LPCAT4: variants seen among roughly 807,000 people sequenced by gnomAD.
LPCAT4 encodes lysophospholipid acyltransferase LPCAT4.
In LPCAT4, 30 loss-of-function variants were observed where a neutral mutation model predicts 66.5. The observed-to-expected ratio is 0.45, with a 90% CI of 0.34 to 0.61. The LOEUF (loss-of-function observed/expected upper bound fraction) is 0.61, where lower values mean the gene tolerates loss of function less well. Ranked by LOEUF, LPCAT4 falls within the 20% of genes least tolerant of loss-of-function variation. The pLI is 0.01. For synonymous variants in LPCAT4, 253 were observed against 262.1 expected (o/e 0.97, Z 0.34); for missense variants, 557 against 656.7 (o/e 0.85, Z 1.66).
chr15:34,364,453 C>T lies in LPCAT4; in HGVS notation c.479-147G>A, dbSNP rs549104321. 638 of 583,796 alleles carry T rather than the reference C, an allele frequency of 1.1e-3. 4 individuals carry two copies. The African/African-American group carries it at 0.011, about 10-fold the overall frequency. 36.2% of individuals were successfully genotyped at this position (583,796 alleles called of 1,614,324 possible). ...GTTGTTGTTGTTTGAGACAGAGTTT[C>T]GCTTTTGTTGCCCAGGCTGGAGTGC... On this transcript the variant is annotated intron_variant, in intron 3 of 13. Coordinates refer to ENST00000314891, the MANE Select transcript of LPCAT4 (RefSeq NM_153613.3).
At chr15:34,359,814 G>A in intron 12 of LPCAT4, 69 bp from the exon 13 acceptor site, 1 of 1,474,492 alleles carries the variant, frequency 6.8e-7, no homozygotes, top group Non-Finnish European at 9.1e-7. Context: ...CCCACAGACT[G>A]GCCTGACAGG....
At chr15:34,361,657 G>C in intron 10 of LPCAT4, 125 bp from the exon 11 acceptor site, 7 of 1,130,826 alleles carry the variant, frequency 6.2e-6, no homozygotes, top group Non-Finnish European at 8.8e-6. Flanking sequence ...TTTCTAAGAT[G>C]TACTGACTCA....
chr15:34,360,389 T>TAC (rs1890915199), intron 11 of LPCAT4, among the ~76,000 whole-genome samples, 180 bp from the exon 12 acceptor site: 1 of 152,224 alleles, frequency 6.6e-6, no homozygotes, highest in African/African-American at 2.4e-5. Flanking sequence ...TCATAGGCTT[T>TAC]CTCAAGCTAT....
chr15:34,365,989 A>G, intron 1 of LPCAT4: 1 of 355,608 alleles, frequency 2.8e-6, no homozygotes, highest in East Asian at 5.0e-5. Flanking sequence ...CACTTAGAGG[A>G]TTTAATAAGA....
chr15:34,365,511 A>C, intron 2 of LPCAT4, 48 bp downstream of exon 2: 1 of 1,611,462 alleles, frequency 6.2e-7, no homozygotes. Context: ...AGCCGAATAG[A>C]CAGCAGGGAA....
In LPCAT4 at chr15:34,362,874, A is replaced by C. The variant is rs1279312411; in HGVS notation, c.747-38T>G. On this transcript the variant is annotated intron_variant, in intron 7 of 13. Transcript: ENST00000314891. ...AGATTTCGATACTCACCAATCTCTA[A>C]CTATGGGCTCCTTCCCTGGCTCCCA... 3.1e-6 allele frequency: 5 copies of C among 1,605,992 alleles called. No homozygotes were observed. In the South Asian group the frequency reaches 5.5e-5, roughly 18 times the overall value.
At position 34,364,044 on chromosome 15, in the gene LPCAT4, G is replaced by C. The variant is rs1891011238; in HGVS notation, c.621C>G (p.Ser207=). The C allele has an allele frequency of 6.2e-7, 1 of 1,613,052 alleles. No homozygotes were observed. The highest frequency in any genetic ancestry group is 1.7e-5 in the Admixed American group (1 of 59,990). The change falls in exon 5 of 14, where the codon TCC becomes TCG. Residue 207 remains serine, a synonymous_variant. Coordinates refer to ENST00000314891, the MANE Select transcript of LPCAT4 (RefSeq NM_153613.3). Reference sequence around the variant, plus strand: ...TGAACTTAAGCAAAGCCTTCTTGTTGGAACAGGTGCCCTCAGGAAAGAATA... The same window carrying C: ...TGAACTTAAGCAAAGCCTTCTTGTTCGAACAGGTGCCCTCAGGAAAGAATA... The part of the protein sequence containing the change: ...QVLFFPEGTC[S]NKKALLKFKP...
At position 34,367,004 on chromosome 15, in the gene LPCAT4, G is replaced by A; in HGVS notation, c.97C>T (p.Arg33Cys). ...NPFVHELHLS[R>C]LQRVKFCLLG... ...CACATTACCTTAACCCTCTGGAGGC[G>A]AGAGAGATGTAACTCATGCACGAAG... The change falls in exon 1 of 14, where the codon CGC becomes TGC. Residue 33 changes from arginine (R) to cysteine (C), a missense_variant. Around this residue, in one of 4 missense-constraint regions of LPCAT4, gnomAD observed 94 missense variants for 71.5 expected, o/e 1.32. Coordinates refer to ENST00000314891, the MANE Select transcript of LPCAT4 (RefSeq NM_153613.3). The A allele has an allele frequency of 3.2e-6, 5 of 1,552,576 alleles. No homozygotes were observed. The highest frequency in any genetic ancestry group is 4.4e-6 in the Non-Finnish European group (5 of 1,145,452).
In LPCAT4 at chr15:34,363,616, G is replaced by A; in HGVS notation, c.711+45C>T. ...GTTTTCACTTATTTCCATTTGGGGT[G>A]GATTTGTGCTCCCCCTTTCCACTCT... is the stretch of plus-strand genomic sequence containing the variant. On this transcript the variant is annotated intron_variant, in intron 6 of 13. Coordinates refer to ENST00000314891, the MANE Select transcript of LPCAT4 (RefSeq NM_153613.3). This position sits in a 1 kb window ranked among gnomAD's most constrained non-coding sequence, Gnocchi z 4.3. 1 of 1,609,612 alleles carries A rather than the reference G, an allele frequency of 6.2e-7. No individual in the cohort carries two copies. The highest frequency in any genetic ancestry group is 8.5e-7 in the Non-Finnish European group (1 of 1,175,918).
chr15:34,361,129 G>A (rs1344816740), intron 11 of LPCAT4: 3 of 1,181,092 alleles, frequency 2.5e-6, no homozygotes, highest in African/African-American at 1.6e-5. Flanking sequence ...CCCCACCTTC[G>A]CCACTCTCTA....
chr15:34,363,905 C>G lies in LPCAT4; in HGVS notation c.652+108G>C. ...AGCTAGGAGGTTCCTGGTCTCCCTTCCTCTCCCATCCCTCCCCCTCTTCTA... is the reference window on the plus strand; with the variant it reads ...AGCTAGGAGGTTCCTGGTCTCCCTTGCTCTCCCATCCCTCCCCCTCTTCTA... On this transcript the variant is annotated intron_variant, in intron 5 of 13. Transcript: ENST00000314891. This position sits in a 1 kb window ranked among gnomAD's most constrained non-coding sequence, Gnocchi z 4.3. 7.5e-7 allele frequency: 1 copy of G among 1,342,228 alleles called. No individual in the cohort carries two copies. The highest frequency in any genetic ancestry group is 1.9e-4 in the Middle Eastern group (1 of 5,304). 83.1% of individuals were successfully genotyped at this position (1,342,228 alleles called of 1,614,324 possible).
intron 11 of LPCAT4, chr15:34,361,164 C>T: frequency 7.4e-7 from 1 of 1,353,022 alleles, no homozygotes; most frequent in Non-Finnish European, 9.5e-7. Context: ...ATTTATAGTC[C>T]TTACTGATTA....
intron 11 of LPCAT4, chr15:34,361,108 G>T (rs1247465677): frequency 3.6e-5 from 36 of 1,009,518 alleles, no homozygotes; most frequent in South Asian, 3.3e-4. Flanking sequence ...ACCCCAAAAG[G>T]TCTTATGATT....
In LPCAT4 at chr15:34,363,323, A is replaced by G; in HGVS notation, c.746+99T>C. Reference sequence around the variant, plus strand: ...TAGAGTTCTCTCAGTCCTCAGATGAAGAAGGGCCATTCACCTTGTCGGGAG... The same window carrying G: ...TAGAGTTCTCTCAGTCCTCAGATGAGGAAGGGCCATTCACCTTGTCGGGAG... On this transcript the variant is annotated intron_variant, in intron 7 of 13. Coordinates refer to ENST00000314891, the MANE Select transcript of LPCAT4 (RefSeq NM_153613.3). This position sits in a 1 kb window ranked among gnomAD's most constrained non-coding sequence, Gnocchi z 4.3. The G allele has an allele frequency of 1.5e-6, 2 of 1,290,542 alleles. No individual in the cohort carries two copies. Among genetic ancestry groups the G allele is most frequent in the Non-Finnish European group, 2.2e-6 (2 of 912,264 alleles). The allele number at this position is 1,290,542 out of a possible 1,614,324, so 79.9% of individuals were successfully genotyped here. A position where few individuals can be genotyped will look rare whatever the true frequency, so the allele number is the denominator to read the frequency against.
In LPCAT4 at chr15:34,362,234, T is replaced by C. The variant is rs1890962568; in HGVS notation, c.972A>G (p.Pro324=). 6.8e-6 allele frequency: 11 copies of C among 1,614,068 alleles called. No individual in the cohort carries two copies. The East Asian group carries it at 1.8e-4, about 26-fold the overall frequency. The part of the protein sequence containing the change: ...VVGRLKVALE[P]QLWELGKVLR... ...GCACTTTTCCCAGTTCCCAGAGCTG[T>C]GGTTCCAACGCCACCTTCAGCCGGC... is the stretch of plus-strand genomic sequence containing the variant. The change falls in exon 10 of 14, where the codon CCA becomes CCG. Residue 324 remains proline, a synonymous_variant. Transcript: ENST00000314891.
At chr15:34,365,418 T>C (rs866687556) in intron 2 of LPCAT4, 141 bp downstream of exon 2, 2 of 1,284,168 alleles carry the variant, frequency 1.6e-6, no homozygotes, top group Middle Eastern at 5.3e-4. Context: ...GGGAACCACG[T>C]CTGAGCTTGG....
rs765812218 is a variant in LPCAT4, at chr15:34,365,198, C to G, written c.288G>C (p.Leu96=). Residue 96 remains leucine (L), a synonymous_variant, in exon 3 of 14, where the codon CTG becomes CTC. Transcript: ENST00000314891. The part of the protein sequence containing the change: ...KTVCHNGVLG[L]SRLLFFLLGF... Reference sequence around the variant, plus strand: ...CCAGCAGGAAAAACAGCAGGCGGCTCAGGCCTAGCACCCCGTTGTGGCACA... The same window carrying G: ...CCAGCAGGAAAAACAGCAGGCGGCTGAGGCCTAGCACCCCGTTGTGGCACA... 10 of 1,611,988 alleles carry G rather than the reference C, an allele frequency of 6.2e-6. No individual in the cohort carries two copies. Among genetic ancestry groups the G allele is most frequent in the Admixed American group, 3.4e-5 (2 of 59,422 alleles).
At position 34,364,994 on chromosome 15, in the gene LPCAT4, T is replaced by G. The variant is rs778568360; in HGVS notation, c.478+14A>C. On this transcript the variant is annotated intron_variant, in intron 3 of 13. Transcript: ENST00000314891. ...GTTGTCACCCTGCCCTTCACCCCCTTTGAACTCTCTCACCTCCAATGACAG... is the reference window on the plus strand; with the variant it reads ...GTTGTCACCCTGCCCTTCACCCCCTGTGAACTCTCTCACCTCCAATGACAG... The G allele has an allele frequency of 3.1e-6, 5 of 1,598,454 alleles. No homozygotes were observed. The highest frequency in any genetic ancestry group is 3.4e-5 in the Admixed American group (2 of 59,496).
Position 34,363,911 on chromosome 15 carries a change from C to T in LPCAT4, c.652+102G>A. On this transcript the variant is annotated intron_variant, in intron 5 of 13. Coordinates refer to ENST00000314891, the MANE Select transcript of LPCAT4 (RefSeq NM_153613.3). This position sits in a 1 kb window ranked among gnomAD's most constrained non-coding sequence, Gnocchi z 4.3. ...GAGGTTCCTGGTCTCCCTTCCTCTC[C>T]CATCCCTCCCCCTCTTCTACTTCTT... 1 of 1,370,890 alleles carries T rather than the reference C, an allele frequency of 7.3e-7. No individual in the cohort carries two copies. Among genetic ancestry groups the T allele is most frequent in the Non-Finnish European group, 1.0e-6 (1 of 971,422 alleles). The allele number at this position is 1,370,890 out of a possible 1,614,324, so 84.9% of individuals were successfully genotyped here.
Sources: gnomAD v4.1 joint callset for allele counts (sites outside exome capture counted in the v4.1 genomes callset) on GRCh38, gnomAD v4.1.1 for gene constraint, gnomAD v4.1.1 regional missense constraint, Gnocchi (gnomAD v3.1) non-coding constraint, MANE v1.5 for transcripts, NCBI Gene and HGNC (gene_info 2026-07-23, HGNC 2026-07-21) for gene names.